The following MFN2 variants were observed in gnomAD, a reference collection of about 807,000 sequenced individuals.
MFN2 encodes mitofusin 2, also known as mitofusin-2.
A neutral mutation model predicts 87.5 loss-of-function variants in MFN2; 43 were observed. The ratio of observed to expected loss-of-function variants is 0.49; its 90% CI spans 0.38 to 0.63. The LOEUF (loss-of-function observed/expected upper bound fraction) is 0.63. Among genes scored for constraint, MFN2 ranks in the 30% least tolerant of loss-of-function variants. The pLI, the probability that MFN2 is intolerant of heterozygous loss-of-function variation, is 0.00. For synonymous variants in MFN2, 337 were observed against 359.9 expected, an observed-to-expected ratio of 0.94 and a Z score of 0.72; for missense variants, 743 against 972.8, an observed-to-expected ratio of 0.76 and a Z score of 3.14.
intron 2 of MFN2, among the ~76,000 whole-genome samples, chr1:11,983,959 G>A (rs528989304): frequency 6.6e-6 from 1 of 152,286 alleles, no homozygotes; most frequent in East Asian, 1.9e-4. Context: ...GGCAGAGTTT[G>A]GAGGGGTTGA....
chr1:12,006,400 T>C, intron 15 of MFN2, 138 bp from the exon 16 acceptor site: 1 of 1,133,700 alleles, frequency 8.8e-7, no homozygotes, highest in Non-Finnish European at 1.3e-6. Flanking sequence ...CATCTGAAGC[T>C]AGTTGTCCCC....
At chr1:11,990,069 G>A (rs1638610956) in intron 3 of MFN2, among the ~76,000 whole-genome samples, 1 of 152,204 alleles carries the variant, frequency 6.6e-6, no homozygotes, top group Non-Finnish European at 1.5e-5. Flanking sequence ...TGGGGCTCAG[G>A]TGTGAACAGT....
chr1:12,011,077 T>C (rs1435990809), intron 18 of MFN2, among the ~76,000 whole-genome samples: 5 of 152,170 alleles, frequency 3.3e-5, no homozygotes, highest in Non-Finnish European at 7.4e-5. Flanking sequence ...ACACACTGCT[T>C]GCCCTCTGGG....
At position 12,011,719 on chromosome 1, in the gene MFN2, C is replaced by G; in HGVS notation, c.*154C>G. 1 of 755,486 alleles carries G rather than the reference C, an allele frequency of 1.3e-6. No homozygotes were observed. The highest frequency in any genetic ancestry group is 1.7e-5 in the African/African-American group (1 of 57,746). 46.8% of individuals were successfully genotyped at this position (755,486 alleles called of 1,614,324 possible). On this transcript the variant is annotated 3_prime_UTR_variant, in exon 19 of 19. Transcript: ENST00000235329. ...TCGTACCATTTTGAGCCCTCCAGCA[C>G]TACTTATTTTCCCCCACCTTTGCCT...
intron 6 of MFN2, among the ~76,000 whole-genome samples, chr1:11,997,750 T>C (rs949816942): frequency 6.6e-6 from 1 of 152,154 alleles, no homozygotes; most frequent in African/African-American, 2.4e-5. Context: ...CAGAGGTGTA[T>C]TTTATTTCCC....
rs1638557697 is a variant in MFN2 at position 11,989,146 on chromosome 1, A to T, written c.-4-19A>T. On this transcript the variant is annotated intron_variant, in intron 2 of 18. Coordinates refer to ENST00000235329, the MANE Select transcript of MFN2 (RefSeq NM_014874.4). ...GAGGTAGGTGTTGCTGGGTTCGCTC[A>T]CGTTAGCTTCTCTTGCAGCGCAATG... is the stretch of plus-strand genomic sequence containing the variant. 1.2e-6 allele frequency: 2 copies of T among 1,613,688 alleles called. No homozygotes were observed. Among genetic ancestry groups the T allele is most frequent in the African/African-American group, 1.3e-5 (1 of 75,026 alleles).
At position 11,980,548 on chromosome 1, in the gene MFN2, A is replaced by C; in HGVS notation, c.-150+64A>C. The C allele has an allele frequency of 7.5e-6, 3 of 397,792 alleles. No individual in the cohort carries two copies. The East Asian group carries it at 1.1e-4, about 14-fold the overall frequency. 24.6% of individuals were successfully genotyped at this position (397,792 alleles called of 1,614,324 possible). On this transcript the variant is annotated intron_variant, in intron 1 of 18. Coordinates refer to ENST00000235329, the MANE Select transcript of MFN2 (RefSeq NM_014874.4). Reference sequence around the variant, plus strand: ...CGGCCCGGCCCGGCGAGTCCTGAGCAGCTCGGCGTGGGCCGACGGGATTCT... The same window carrying C: ...CGGCCCGGCCCGGCGAGTCCTGAGCCGCTCGGCGTGGGCCGACGGGATTCT...
At chr1:11,992,491 C>G in intron 3 of MFN2, 64 bp from the exon 4 acceptor site, 1 of 1,609,764 alleles carries the variant, frequency 6.2e-7, no homozygotes, top group South Asian at 1.1e-5. Flanking sequence ...TCTGGCCCTT[C>G]CAGACTTGGG....
chr1:11,985,122 C>T (rs1335119064), intron 2 of MFN2, among the ~76,000 whole-genome samples: 2 of 152,112 alleles, frequency 1.3e-5, no homozygotes, highest in Non-Finnish European at 2.9e-5. Context: ...CTGACACTCT[C>T]TCCAGGTAGA....
intron 17 of MFN2, among the ~76,000 whole-genome samples, chr1:12,008,619 T>TGCC (rs1639545014): frequency 7.2e-6 from 1 of 139,086 alleles, no homozygotes; most frequent in African/African-American, 2.7e-5. Context: ...GGGTTGTGGC[T>TGCC]GGGCAGAGGC....
chr1:12,009,181 G>A (rs1013484473), intron 17 of MFN2, among the ~76,000 whole-genome samples: 44 of 152,284 alleles, frequency 2.9e-4, no homozygotes, highest in African/African-American at 1.0e-3. Context: ...GCATCAGAGG[G>A]AGACCGTGGA....
Position 12,011,730 on chromosome 1 carries a change from C to T in MFN2, c.*165C>T, listed in dbSNP as rs1639708405. 5 of 704,254 alleles carry T rather than the reference C, an allele frequency of 7.1e-6. 1 individual carries two copies. The South Asian group carries it at 8.7e-5, about 12-fold the overall frequency. The allele number at this position is 704,254 out of a possible 1,614,324, so 43.6% of individuals were successfully genotyped here. A position where few individuals can be genotyped will look rare whatever the true frequency, so the allele number is the denominator to read the frequency against. On this transcript the variant is annotated 3_prime_UTR_variant, in exon 19 of 19. Transcript: ENST00000235329. ...TGAGCCCTCCAGCACTACTTATTTT[C>T]CCCCACCTTTGCCTGCTGTTGCTGG...
In MFN2 at chr1:12,003,933, C is replaced by T; in HGVS notation, c.1161-59C>T. ...CGGCGTGGGATTTCTGGCATCCCCT[C>T]TTGCTCCTCTGCTTAGTCAGACAGG... is the stretch of plus-strand genomic sequence containing the variant. On this transcript the variant is annotated intron_variant, in intron 11 of 18. Coordinates refer to ENST00000235329, the MANE Select transcript of MFN2 (RefSeq NM_014874.4). The surrounding 1 kb of genome is among the most constrained non-coding windows in gnomAD (Gnocchi z 4.1). The T allele has an allele frequency of 6.2e-7, 1 of 1,612,294 alleles. No homozygotes were observed. Among genetic ancestry groups the T allele is most frequent in the Non-Finnish European group, 8.5e-7 (1 of 1,178,754 alleles).
intron 18 of MFN2, 137 bp downstream of exon 18, chr1:12,009,863 T>C (rs866945025): frequency 2.3e-6 from 3 of 1,312,002 alleles, no homozygotes; most frequent in Middle Eastern, 2.4e-4. Context: ...GTGTTAGATG[T>C]GTACCATGGG....
At chr1:11,992,923 C>T (rs972862057) in intron 4 of MFN2, among the ~76,000 whole-genome samples, 1 of 150,762 alleles carries the variant, frequency 6.6e-6, no homozygotes, top group African/African-American at 2.4e-5. Context: ...CCCACCTGAG[C>T]CTCCTGAGCA....
rs969051845 is a variant in MFN2, at chr1:12,006,772, C to A, written c.1872+79C>A. On this transcript the variant is annotated intron_variant, in intron 16 of 18. Coordinates refer to ENST00000235329, the MANE Select transcript of MFN2 (RefSeq NM_014874.4). Reference sequence around the variant, plus strand: ...CCTGAGGGCTAGGTTCCTGCTGTGGCCCCTGCATTGGGCCACACTCCACAG... The same window carrying A: ...CCTGAGGGCTAGGTTCCTGCTGTGGACCCTGCATTGGGCCACACTCCACAG... The A allele has an allele frequency of 6.3e-6, 10 of 1,589,200 alleles. No individual in the cohort carries two copies. The African/African-American group carries it at 1.3e-4, about 21-fold the overall frequency.
At chr1:11,989,433 C>T in intron 3 of MFN2, 90 bp downstream of exon 3, 1 of 1,440,216 alleles carries the variant, frequency 6.9e-7, no homozygotes, top group South Asian at 1.2e-5. Context: ...TATCTCTGCT[C>T]CCAGGGAAGT....
intron 6 of MFN2, 128 bp downstream of exon 6, chr1:11,997,549 G>A: frequency 7.6e-7 from 1 of 1,310,626 alleles, no homozygotes; most frequent in Admixed American, 1.9e-5. Flanking sequence ...TTTCAGATGG[G>A]CTCAACCAAA....
intron 17 of MFN2, 50 bp downstream of exon 17, chr1:12,007,299 A>T (rs1346928752): frequency 6.3e-7 from 1 of 1,588,678 alleles, no homozygotes; most frequent in South Asian, 1.1e-5. Flanking sequence ...AGGCAGGGTC[A>T]GCCCCATCTC....
Sources: gnomAD v4.1 joint callset for allele counts (sites outside exome capture counted in the v4.1 genomes callset) on GRCh38, gnomAD v4.1.1 for gene constraint, Gnocchi (gnomAD v3.1) non-coding constraint, MANE v1.5 for transcripts, NCBI Gene and HGNC (gene_info 2026-07-23, HGNC 2026-07-21) for gene names.